Variants in PPP2R2B observed in about 807,000 individuals in gnomAD.
PPP2R2B encodes the protein serine/threonine-protein phosphatase 2A 55 kDa regulatory subunit B beta isoform.
Under a neutral mutation model 46.0 loss-of-function variants are expected in PPP2R2B, and 5 were observed. The observed-to-expected ratio is 0.11, with a 90% confidence interval of 0.06 to 0.23. PPP2R2B has a LOEUF of 0.23. Ranked by LOEUF, PPP2R2B falls within the 10% of genes least tolerant of loss-of-function variation. The pLI, the probability that PPP2R2B is intolerant of heterozygous loss-of-function variation, is 1.00. For missense variants in PPP2R2B, 367 were observed against 575.0 expected (o/e 0.64, Z 3.70); for synonymous variants, 215 against 206.7 (o/e 1.04, Z -0.34).
At chr5:147,018,875 G>T (rs1418827681) in intron 1 of PPP2R2B, among the ~76,000 whole-genome samples, 1 of 152,158 alleles carries the variant, frequency 6.6e-6, no homozygotes, top group African/African-American at 2.4e-5. Flanking sequence ...GGCAAACTCA[G>T]AACAGAAGAT....
intron 2 of PPP2R2B, among the ~76,000 whole-genome samples, chr5:147,070,824 A>T (rs1425577006): frequency 6.6e-6 from 1 of 152,150 alleles, no homozygotes. Flanking sequence ...ATGATCCTAT[A>T]CCAAACTCAG....
At chr5:146,939,306 G>T (rs1331784391) in intron 1 of PPP2R2B, among the ~76,000 whole-genome samples, 3 of 152,186 alleles carry the variant, frequency 2.0e-5, no homozygotes, top group Non-Finnish European at 4.4e-5. Flanking sequence ...GGGTACCAGA[G>T]GGTCTGGGGA....
intron 1 of PPP2R2B, among the ~76,000 whole-genome samples, chr5:146,915,634 G>A (rs538357192): frequency 1.1e-4 from 16 of 152,260 alleles, no homozygotes; most frequent in South Asian, 4.1e-4. Flanking sequence ...CAGAGTTAGA[G>A]AAAGAAACAT....
chr5:146,600,427 G>A lies in PPP2R2B; in HGVS notation c.824C>T (p.Ser275Leu). 2 of 1,613,860 alleles carry A rather than the reference G, an allele frequency of 1.2e-6. No individual in the cohort carries two copies. Among genetic ancestry groups the A allele is most frequent in the Non-Finnish European group, 1.7e-6 (2 of 1,179,882 alleles). ...FEEPEDPSNR[S>L]FFSEIISSIS... ...CGAAGAGATAATTTCAGAGAAAAAT[G>A]ATCTGTTGCTTGGATCTTCCGGCTC... Residue 275 changes from serine (S) to leucine (L), a missense_variant, in exon 8 of 10, where the codon TCA becomes TTA. Transcript: ENST00000394411.
chr5:146,718,342 C>T (rs536331473), intron 2 of PPP2R2B, among the ~76,000 whole-genome samples: 6 of 151,674 alleles, frequency 4.0e-5, no homozygotes, highest in South Asian at 2.1e-4. Context: ...GAGCTGTGAT[C>T]GCACCACTGT....
intron 2 of PPP2R2B, among the ~76,000 whole-genome samples, chr5:146,800,539 T>C (rs1426834948): frequency 6.6e-6 from 1 of 150,592 alleles, no homozygotes; most frequent in African/African-American, 2.4e-5. Context: ...TCATTTCACC[T>C]TAAGTTCTCA....
chr5:146,684,145 G>A (rs1021037951), intron 5 of PPP2R2B, among the ~76,000 whole-genome samples: 2 of 152,164 alleles, frequency 1.3e-5, no homozygotes, highest in African/African-American at 4.8e-5. Flanking sequence ...TGCAACAAAT[G>A]TAAGGAAAGG....
At chr5:146,817,648 A>T (rs1003471160) in intron 2 of PPP2R2B, among the ~76,000 whole-genome samples, 13 of 152,344 alleles carry the variant, frequency 8.5e-5, no homozygotes, top group African/African-American at 3.1e-4. Flanking sequence ...AAAGTAACAT[A>T]GGCTTGTTGT....
intron 2 of PPP2R2B, among the ~76,000 whole-genome samples, chr5:146,827,268 T>G (rs1287856503): frequency 2.0e-5 from 3 of 152,190 alleles, no homozygotes; most frequent in African/African-American, 7.2e-5. Context: ...CTAAGTGAAT[T>G]TATTTTATTT....
chr5:146,782,616 T>C (rs1211185266), intron 2 of PPP2R2B, among the ~76,000 whole-genome samples: 1 of 152,216 alleles, frequency 6.6e-6, no homozygotes, highest in Non-Finnish European at 1.5e-5. Flanking sequence ...GCAAAAGATA[T>C]AATATTCTTC....
At chr5:146,674,897 C>T (rs1002642439) in intron 5 of PPP2R2B, among the ~76,000 whole-genome samples, 3 of 152,138 alleles carry the variant, frequency 2.0e-5, no homozygotes, top group African/African-American at 7.2e-5. Flanking sequence ...TCAGTGTTGG[C>T]GCTTCTCCAA....
chr5:146,769,316 A>G (rs1375360416), intron 2 of PPP2R2B, among the ~76,000 whole-genome samples: 1 of 152,206 alleles, frequency 6.6e-6, no homozygotes, highest in East Asian at 1.9e-4. Context: ...GCCCCACCCT[A>G]GACCTGCTGA....
intron 1 of PPP2R2B, among the ~76,000 whole-genome samples, chr5:146,959,778 G>C (rs1394016239): frequency 1.3e-5 from 2 of 152,160 alleles, no homozygotes; most frequent in African/African-American, 2.4e-5. Flanking sequence ...TTATGCTGAT[G>C]ATGGGTCTGT....
At chr5:146,627,089 G>C (rs1026201464) in intron 7 of PPP2R2B, among the ~76,000 whole-genome samples, 9 of 152,164 alleles carry the variant, frequency 5.9e-5, no homozygotes, top group African/African-American at 2.2e-4. Context: ...GGGGGTGGTG[G>C]TGGTATCAGT....
chr5:146,765,912 C>T (rs1023062021), intron 2 of PPP2R2B, among the ~76,000 whole-genome samples: 9 of 152,206 alleles, frequency 5.9e-5, no homozygotes, highest in African/African-American at 9.6e-5. Flanking sequence ...CTTTCAAGCC[C>T]GGAAAATAGT....
intron 2 of PPP2R2B, among the ~76,000 whole-genome samples, chr5:146,865,644 A>T (rs749339433): frequency 4.6e-5 from 7 of 152,232 alleles, no homozygotes; most frequent in Non-Finnish European, 1.0e-4. Context: ...TTTTAAAATA[A>T]CTACTGAGTG....
intron 1 of PPP2R2B, among the ~76,000 whole-genome samples, chr5:147,049,116 G>GTGTGTGTGTT (rs1554088782): frequency 0.01 from 1,548 of 151,130 alleles, 36 homozygotes; most frequent in Admixed American, 0.05. Context: ...GTGTGTGTGT[G>GTGTGTGTGTT]TGTGTGTGAG....
chr5:146,946,408 G>A (rs890430488), intron 1 of PPP2R2B, among the ~76,000 whole-genome samples: 2 of 151,980 alleles, frequency 1.3e-5, no homozygotes, highest in African/African-American at 4.8e-5. Context: ...CAAGTTCTGG[G>A]GTGTAAGTTA....
chr5:146,686,959 T>A (rs1475788090), intron 5 of PPP2R2B, among the ~76,000 whole-genome samples: 2 of 151,732 alleles, frequency 1.3e-5, no homozygotes, highest in South Asian at 2.1e-4. Flanking sequence ...CATAGGGACC[T>A]CAAGGCCTTT....
Sources: gnomAD v4.1 joint callset for allele counts (sites outside exome capture counted in the v4.1 genomes callset) on GRCh38, gnomAD v4.1.1 for gene constraint, MANE v1.5 for transcripts, NCBI Gene and HGNC (gene_info 2026-07-23, HGNC 2026-07-21) for gene names.